The following MYT1L variants were observed in gnomAD, a reference collection of about 807,000 sequenced individuals.
The protein encoded by MYT1L is myelin transcription factor 1 like.
Under a neutral mutation model 126.7 loss-of-function variants are expected in MYT1L, and 12 were observed. The observed-to-expected ratio is 0.09, with a 90% CI of 0.06 to 0.15. MYT1L has a LOEUF of 0.15. Ranked by LOEUF, MYT1L falls within the 10% of genes least tolerant of loss-of-function variation. MYT1L has a pLI of 1.00. For synonymous variants in MYT1L, 541 were observed against 604.2 expected, an observed-to-expected ratio of 0.90 and a Z score of 1.53; for missense variants, 979 against 1,585.2, an observed-to-expected ratio of 0.62 and a Z score of 6.49.
At chr2:1,874,173 G>C (rs1203224461) in intron 18 of MYT1L, among the ~76,000 whole-genome samples, 1 of 142,972 alleles carries the variant, frequency 7.0e-6, no homozygotes, top group East Asian at 2.1e-4. Context: ...ACCCAGGTGT[G>C]GAAAACAGGA....
At chr2:2,148,836 C>A (rs1003445862) in intron 3 of MYT1L, among the ~76,000 whole-genome samples, 1 of 152,100 alleles carries the variant, frequency 6.6e-6, no homozygotes, top group Non-Finnish European at 1.5e-5. Context: ...CTTTGATGCA[C>A]CCGGATTATT....
chr2:1,901,069 G>A (rs975171891), intron 14 of MYT1L, among the ~76,000 whole-genome samples: 13 of 152,158 alleles, frequency 8.5e-5, no homozygotes, highest in Admixed American at 6.5e-4. Context: ...AGGCTAACTT[G>A]TCCAGTAGCA....
chr2:2,091,443 T>C (rs1399705797), intron 3 of MYT1L, among the ~76,000 whole-genome samples: 3 of 152,224 alleles, frequency 2.0e-5, no homozygotes, highest in African/African-American at 7.2e-5. Context: ...TAAACAGATG[T>C]GCTGTCATCC....
chr2:2,159,010 G>A (rs1223783014), intron 3 of MYT1L, among the ~76,000 whole-genome samples: 3 of 152,178 alleles, frequency 2.0e-5, no homozygotes, highest in Non-Finnish European at 2.9e-5. Context: ...TGTAGGAGAA[G>A]AAGTCTAACC....
At chr2:1,933,220 G>A (rs928886455) in intron 9 of MYT1L, among the ~76,000 whole-genome samples, 17 of 151,632 alleles carry the variant, frequency 1.1e-4, no homozygotes, top group African/African-American at 4.1e-4. Context: ...CCCTTCTGCA[G>A]AGAACCCAGG....
chr2:2,090,714 T>G (rs960800956), intron 3 of MYT1L, among the ~76,000 whole-genome samples: 1 of 152,240 alleles, frequency 6.6e-6, no homozygotes, highest in Non-Finnish European at 1.5e-5. Flanking sequence ...TGATAGGACT[T>G]TAACCACCTT....
chr2:2,117,086 C>T (rs1284496776), intron 3 of MYT1L, among the ~76,000 whole-genome samples: 1 of 152,194 alleles, frequency 6.6e-6, no homozygotes, highest in African/African-American at 2.4e-5. Context: ...CCCTGCAGAG[C>T]ACCCACAGCT....
intron 8 of MYT1L, among the ~76,000 whole-genome samples, chr2:1,975,776 A>C (rs2060129415): frequency 1.3e-5 from 2 of 152,196 alleles, no homozygotes; most frequent in Admixed American, 1.3e-4. Flanking sequence ...AGGCAGGAGA[A>C]TCACTTGAAC....
chr2:1,796,432 G>T (rs1220849663), intron 23 of MYT1L, among the ~76,000 whole-genome samples: 1 of 152,214 alleles, frequency 6.6e-6, no homozygotes, highest in Non-Finnish European at 1.5e-5. Flanking sequence ...ATCACAGAGA[G>T]GCTTAGCCCC....
At chr2:2,159,717 A>G (rs2087508672) in intron 3 of MYT1L, among the ~76,000 whole-genome samples, 1 of 152,082 alleles carries the variant, frequency 6.6e-6, no homozygotes, top group Non-Finnish European at 1.5e-5. Context: ...ACTTCTGGCC[A>G]TTAAAGCCCT....
intron 2 of MYT1L, among the ~76,000 whole-genome samples, chr2:2,266,020 G>A (rs183873087): frequency 1.3e-5 from 2 of 152,258 alleles, no homozygotes; most frequent in South Asian, 2.1e-4. Context: ...GCAGGTCTGC[G>A]GGGGCAATCA....
rs370053310 is a variant in MYT1L at position 2,102,168 on chromosome 2, C to T, written c.-303-48045G>A. On this transcript the variant is annotated intron_variant, in intron 3 of 24. Transcript: ENST00000647738. ...TGATTTTTAGGCTTCTTGTGGCCTTCTGAGCTTTTTTTTATGTAAGAAATT... is the reference window on the plus strand; with the variant it reads ...TGATTTTTAGGCTTCTTGTGGCCTTTTGAGCTTTTTTTTATGTAAGAAATT... 4.6e-5 allele frequency among the ~76,000 whole-genome samples: 7 copies of T among 152,240 alleles called. No homozygotes were observed. In the South Asian group the frequency reaches 1.0e-3, roughly 23 times the overall value.
rs564836018 is a variant in MYT1L at position 1,887,791 on chromosome 2, C to T, written c.2521-182G>A. Among the ~76,000 whole-genome samples the T allele has an allele frequency of 1.4e-4, 22 of 152,304 alleles. No individual in the cohort carries two copies. Among genetic ancestry groups the T allele is most frequent in the Admixed American group, 1.1e-3 (17 of 15,300 alleles). On this transcript the variant is annotated intron_variant, in intron 16 of 24. Transcript: ENST00000647738. This position sits in a 1 kb window ranked among gnomAD's most constrained non-coding sequence, Gnocchi z 4.8. ...TGCATATTGAACTTTTCTTCCACTG[C>T]TCTAAACTCCTAAAATGATGGTCAC...
At chr2:2,140,253 C>T (rs1430791625) in intron 3 of MYT1L, among the ~76,000 whole-genome samples, 1 of 151,878 alleles carries the variant, frequency 6.6e-6, no homozygotes, top group Non-Finnish European at 1.5e-5. Flanking sequence ...TGTGCCATAG[C>T]AAATTTAAAA....
At chr2:1,838,703 T>C (rs2148370146) in intron 21 of MYT1L, among the ~76,000 whole-genome samples, 1 of 152,304 alleles carries the variant, frequency 6.6e-6, no homozygotes, top group African/African-American at 2.4e-5. Flanking sequence ...TGAATGAGGT[T>C]GATGGGGTTT....
In MYT1L at chr2:2,064,748, T is replaced by G. The variant is rs1574932989; in HGVS notation, c.-303-10625A>C. Among the ~76,000 whole-genome samples the G allele has an allele frequency of 2.0e-5, 3 of 152,194 alleles. No individual in the cohort carries two copies. The East Asian group carries it at 5.8e-4, about 29-fold the overall frequency. ...TGTAGAAAAAGACAGATATTTCTAT[T>G]TTAGTGAAATAAAAATACATTTCAG... On this transcript the variant is annotated intron_variant, in intron 3 of 24. Transcript: ENST00000647738.
chr2:2,179,185 C>A (rs2148613879), intron 2 of MYT1L, among the ~76,000 whole-genome samples: 1 of 152,286 alleles, frequency 6.6e-6, no homozygotes, highest in South Asian at 2.1e-4. Context: ...ATCCACAGAG[C>A]TTTCAAGGCT....
intron 1 of MYT1L, among the ~76,000 whole-genome samples, chr2:2,295,585 C>CAGACAGAGAGAGAGAGAGAGAG (rs2095663934): frequency 2.0e-5 from 1 of 50,420 alleles, no homozygotes; most frequent in African/African-American, 8.1e-5. Context: ...GAGAGAGAGA[C>CAGACAGAGAGAGAGAGAGAGAG]AGACAGACAG....
intron 3 of MYT1L, among the ~76,000 whole-genome samples, chr2:2,102,070 T>C (rs17039334): frequency 0.036 from 5,430 of 152,294 alleles, 108 homozygotes; most frequent in East Asian, 0.08. Flanking sequence ...ATCTCCACCA[T>C]GGCTGTCACC....
Sources: allele counts gnomAD v4.1 joint callset (sites outside exome capture counted in the v4.1 genomes callset), GRCh38; gene constraint gnomAD v4.1.1; non-coding constraint Gnocchi (gnomAD v3.1); transcripts MANE v1.5; gene names NCBI Gene and HGNC (gene_info 2026-07-23, HGNC 2026-07-21).